Variants in MMP26 observed in about 807,000 individuals in gnomAD.
MMP26 encodes the protein matrix metallopeptidase 26, also known as matrix metalloproteinase-26.
A neutral mutation model predicts 31.0 loss-of-function variants in MMP26; 33 were observed. The observed-to-expected ratio is 1.06, with a 90% confidence interval of 0.81 to 1.42. The LOEUF (loss-of-function observed/expected upper bound fraction) is 1.42, where lower values mean the gene tolerates loss of function less well. Ranked by LOEUF, MMP26 falls within the 40% of genes most tolerant of loss-of-function variation. MMP26 has a pLI of 0.00. For synonymous variants in MMP26, 122 were observed against 114.9 expected (o/e 1.06, Z -0.40); for missense variants, 347 against 316.1 (o/e 1.10, Z -0.74).
chr11:4,763,773 G>A (rs975477829), intron 1 of MMP26, among the ~76,000 whole-genome samples: 36 of 152,286 alleles, frequency 2.4e-4, no homozygotes, highest in African/African-American at 8.4e-4. Context: ...AGCTGCTGTA[G>A]ATTTTTTGTA....
chr11:4,764,606 C>G (rs1160352466), intron 1 of MMP26, among the ~76,000 whole-genome samples: 3 of 152,234 alleles, frequency 2.0e-5, no homozygotes, highest in Non-Finnish European at 4.4e-5. Context: ...CGCAGTGGTT[C>G]ACGCCTGTAA....
intron 2 of MMP26, chr11:4,769,709 G>C: frequency 6.2e-7 from 1 of 1,612,976 alleles, no homozygotes. Context: ...CAGATCAGTG[G>C]CTGATAGCCT....
rs1848980441 is a variant in MMP26, at chr11:4,788,625, C to G, written c.-145+21284C>G. On this transcript the variant is annotated intron_variant, in intron 2 of 7. Coordinates refer to ENST00000380390, the MANE Select transcript of MMP26 (RefSeq NM_021801.5). ...TTGATACAGTCAACTACAGAAACAG[C>G]AATTACAACACAGTTGGCATTGTCA... is the stretch of plus-strand genomic sequence containing the variant. Among the ~76,000 whole-genome samples, 3 of 151,946 alleles carry G rather than the reference C, an allele frequency of 2.0e-5. No homozygotes were observed. In the South Asian group the frequency reaches 6.2e-4, roughly 32 times the overall value.
chr11:4,830,853 T>C (rs1005935100), intron 2 of MMP26, among the ~76,000 whole-genome samples: 1 of 151,122 alleles, frequency 6.6e-6, no homozygotes, highest in Non-Finnish European at 1.5e-5. Flanking sequence ...AGAAGCCAAG[T>C]GCAATAGGAA....
At chr11:4,949,906 C>A (rs1160866601) in intron 2 of MMP26, among the ~76,000 whole-genome samples, 1 of 122,124 alleles carries the variant, frequency 8.2e-6, no homozygotes, top group East Asian at 2.3e-4. Context: ...TTTCAGGTAC[C>A]CAGAATATGC....
At chr11:4,962,270 C>T (rs1040402939) in intron 2 of MMP26, among the ~76,000 whole-genome samples, 4 of 152,058 alleles carry the variant, frequency 2.6e-5, no homozygotes, top group African/African-American at 9.7e-5. Context: ...AATTAAAAGT[C>T]CTAGTCTCAA....
At chr11:4,946,139 T>C in intron 2 of MMP26, 1 of 1,602,630 alleles carries the variant, frequency 6.2e-7, no homozygotes, top group Non-Finnish European at 8.5e-7. Flanking sequence ...CATTTCCAGG[T>C]TTTCTGTCAC....
chr11:4,987,210 G>A (rs1299568927), intron 2 of MMP26, among the ~76,000 whole-genome samples: 1 of 151,498 alleles, frequency 6.6e-6, no homozygotes, highest in Non-Finnish European at 1.5e-5. Flanking sequence ...GGTAATAGCT[G>A]AAATATTTTG....
At position 4,866,765 on chromosome 11, in the gene MMP26, C is replaced by A. The variant is rs140717997; in HGVS notation, c.-145+99424C>A. 3.5e-3 allele frequency among the ~76,000 whole-genome samples: 539 copies of A among 151,954 alleles called. 4 individuals are homozygous for A. The highest frequency in any genetic ancestry group is 0.011 in the African/African-American group (440 of 41,450). ...AGACCAATGGGAAAGAACAGAAAAC[C>A]CAGAAAGAAGATTACACACCTACAA... On this transcript the variant is annotated intron_variant, in intron 2 of 7. Transcript: ENST00000380390.
chr11:4,783,500 C>T (rs1165557953), intron 2 of MMP26, among the ~76,000 whole-genome samples: 1 of 152,068 alleles, frequency 6.6e-6, no homozygotes, highest in Non-Finnish European at 1.5e-5. Flanking sequence ...AAGGGACTTG[C>T]CTTGTCTTGG....
At chr11:4,744,938 C>T (rs541897302) in intron 1 of MMP26, among the ~76,000 whole-genome samples, 2 of 152,134 alleles carry the variant, frequency 1.3e-5, no homozygotes, top group East Asian at 3.9e-4. Flanking sequence ...TATGCAGTCT[C>T]TTATCAAAGA....
intron 2 of MMP26, among the ~76,000 whole-genome samples, chr11:4,776,434 T>G (rs976078863): frequency 2.0e-5 from 3 of 152,174 alleles, no homozygotes; most frequent in Admixed American, 6.6e-5. Flanking sequence ...TTCTTTTCTC[T>G]GAATCCTCCC....
At chr11:4,908,593 C>T (rs1730115621) in intron 2 of MMP26, 2 of 450,284 alleles carry the variant, frequency 4.4e-6, no homozygotes, top group East Asian at 8.9e-5. Flanking sequence ...AGAATGAATA[C>T]AATTTGGGCA....
intron 2 of MMP26, among the ~76,000 whole-genome samples, chr11:4,909,681 T>C (rs1291752651): frequency 1.3e-5 from 2 of 152,182 alleles, no homozygotes; most frequent in Non-Finnish European, 2.9e-5. Flanking sequence ...TCCACTGCTG[T>C]TATTTTAGTT....
intron 2 of MMP26, among the ~76,000 whole-genome samples, chr11:4,831,485 A>G (rs17328663): frequency 0.37 from 56,531 of 152,142 alleles, 12,656 homozygotes; most frequent in South Asian, 0.58. Flanking sequence ...TCAGGCACAT[A>G]TCATCCCTAC....
intron 2 of MMP26, among the ~76,000 whole-genome samples, chr11:4,776,509 T>C (rs1178604060): frequency 1.3e-5 from 2 of 152,242 alleles, no homozygotes; most frequent in Non-Finnish European, 2.9e-5. Flanking sequence ...TTATATCTCA[T>C]TGTGGCTTTA....
chr11:4,798,424 G>T (rs1012257334), intron 2 of MMP26, among the ~76,000 whole-genome samples: 1 of 152,166 alleles, frequency 6.6e-6, no homozygotes, highest in African/African-American at 2.4e-5. Context: ...TCTAGACCAC[G>T]GGTCTACCTA....
At chr11:4,905,778 T>C (rs1323756379) in intron 2 of MMP26, among the ~76,000 whole-genome samples, 1 of 152,194 alleles carries the variant, frequency 6.6e-6, no homozygotes, top group African/African-American at 2.4e-5. Flanking sequence ...AATTTTTACC[T>C]GTTTACCTTG....
intron 2 of MMP26, chr11:4,924,102 G>A (rs975909674): frequency 3.7e-6 from 6 of 1,614,054 alleles, no homozygotes; most frequent in South Asian, 1.1e-5. Flanking sequence ...ACAGTGGGCA[G>A]TGTGGAAAGG....
Sources: allele counts gnomAD v4.1 joint callset (sites outside exome capture counted in the v4.1 genomes callset), GRCh38; gene constraint gnomAD v4.1.1; transcripts MANE v1.5; gene names NCBI Gene and HGNC (gene_info 2026-07-23, HGNC 2026-07-21).